ABCD4: variants seen among roughly 807,000 people sequenced by gnomAD.
ABCD4 encodes ATP binding cassette subfamily D member 4.
In ABCD4, 53 loss-of-function variants were observed where a neutral mutation model predicts 86.3. The ratio of observed to expected loss-of-function variants is 0.61; its 90% CI spans 0.49 to 0.77. The LOEUF (loss-of-function observed/expected upper bound fraction) is 0.77, where lower values mean the gene tolerates loss of function less well. Ranked by LOEUF, ABCD4 falls within the 30% of genes least tolerant of loss-of-function variation. The probability of loss-of-function intolerance (pLI) is 0.00; values close to 1 mark genes in which losing one functional copy is unlikely to be tolerated. For synonymous variants in ABCD4, 328 were observed against 313.6 expected, an observed-to-expected ratio of 1.05 and a Z score of -0.49; for missense variants, 757 against 764.5, an observed-to-expected ratio of 0.99 and a Z score of 0.12.
chr14:74,288,863 C>T, intron 14 of ABCD4, 98 bp from the exon 15 acceptor site: 1 of 1,468,010 alleles, frequency 6.8e-7, no homozygotes, highest in South Asian at 1.2e-5. Context: ...CCTGTAATCC[C>T]AACACTTTGG....
chr14:74,295,165 C>T lies in ABCD4; in HGVS notation c.702G>A (p.Glu234=). The change falls in exon 7 of 19, where the codon GAG becomes GAA. Residue 234 remains glutamate, a synonymous_variant. Transcript: ENST00000356924. ...AGACTCACCTGTAGAAAGCAGCAGG[C>T]TCCGCATTCACCCGAATCTGCATGT... ...FKHMQIRVNA[E]PAAFYRAGHV... is the part of the protein sequence containing the mutation. 1 of 1,614,208 alleles carries T rather than the reference C, an allele frequency of 6.2e-7. No individual in the cohort carries two copies. The highest frequency in any genetic ancestry group is 1.1e-5 in the South Asian group (1 of 91,086).
chr14:74,287,842 G>A lies in ABCD4; in HGVS notation c.1604C>T (p.Ala535Val), dbSNP rs1314909203. The A allele has an allele frequency of 6.2e-7, 1 of 1,613,120 alleles. No homozygotes were observed. Among genetic ancestry groups the A allele is most frequent in the Non-Finnish European group, 8.5e-7 (1 of 1,179,514 alleles). ...CTTCGGCTGCAGGTAGAAGAGTCGG[G>A]CAAAGGAGAGCCGTTGCATCTCCCC... is the stretch of plus-strand genomic sequence containing the variant. Reference protein sequence around the residue: ...SPGEMQRLSFARLFYLQPKYA... With the variant: ...SPGEMQRLSFVRLFYLQPKYA... The change falls in exon 17 of 19, where the codon GCC (alanine) becomes GTC (valine). Residue 535 changes from alanine to valine, a missense_variant. By Grantham distance (64) the Ala-to-Val change is moderately conservative. Coordinates refer to ENST00000356924, the MANE Select transcript of ABCD4 (RefSeq NM_005050.4).
chr14:74,301,955 C>A (rs1468073225), intron 1 of ABCD4, among the ~76,000 whole-genome samples: 1 of 151,270 alleles, frequency 6.6e-6, no homozygotes, highest in Non-Finnish European at 1.5e-5. Context: ...CCACCTTACA[C>A]CCCCCAGACT....
chr14:74,289,990 TGAG>T (rs768966427), intron 13 of ABCD4, 34 bp downstream of exon 13: 4 of 1,613,492 alleles, frequency 2.5e-6, no homozygotes, highest in African/African-American at 2.7e-5. Flanking sequence ...TGGGCGGGGT[TGAG>T]GAGGGAGGAG....
At chr14:74,294,969 C>T (rs1267714379) in intron 7 of ABCD4, 179 bp downstream of exon 7, 1 of 705,242 alleles carries the variant, frequency 1.4e-6, no homozygotes, top group East Asian at 2.7e-5. Flanking sequence ...CAGAAGCAAA[C>T]CCCTGGACCT....
At chr14:74,289,336 T>A in intron 14 of ABCD4, 147 bp downstream of exon 14, 1 of 1,450,794 alleles carries the variant, frequency 6.9e-7, no homozygotes, top group South Asian at 1.5e-5. Context: ...CCCAAAACAG[T>A]CAAAGGAAGA....
intron 1 of ABCD4, among the ~76,000 whole-genome samples, chr14:74,300,817 G>A (rs989192247): frequency 6.6e-6 from 1 of 152,074 alleles, no homozygotes; most frequent in South Asian, 2.1e-4. Context: ...AGAAGACTTG[G>A]AGGTGGTATC....
In ABCD4 at chr14:74,286,404, C is replaced by G. The variant is rs1052012; in HGVS notation, c.*57G>C. 0.011 allele frequency: 17,308 copies of G among 1,588,708 alleles called. 1,612 individuals are homozygous for G. In the African/African-American group the frequency reaches 0.2, roughly 19 times the overall value. On this transcript the variant is annotated 3_prime_UTR_variant, in exon 19 of 19. Coordinates refer to ENST00000356924, the MANE Select transcript of ABCD4 (RefSeq NM_005050.4). ...GATCTTCGCTGTCAGTCCTCCTGGT[C>G]TCTCCTGAGGGCCGCCGACCCGCCA...
chr14:74,289,111 CAAAAAAAAAAAA>C (rs60498100), intron 14 of ABCD4: 566 of 763,036 alleles, frequency 7.4e-4, no homozygotes, highest in Middle Eastern at 2.4e-3. Context: ...AACTCCATCT[CAAAAAAAAAAAA>C]AAAAAAAAAA....
At position 74,295,147 on chromosome 14, in the gene ABCD4, C is replaced by A. The variant is rs778277745; in HGVS notation, c.719+1G>T. 1 of 1,614,178 alleles carries A rather than the reference C, an allele frequency of 6.2e-7. No individual in the cohort carries two copies. The highest frequency in any genetic ancestry group is 8.5e-7 in the Non-Finnish European group (1 of 1,180,006). On this transcript the variant is annotated splice_donor_variant, in intron 7 of 18. Transcript: ENST00000356924. LOFTEE classifies it high-confidence loss of function. ...AAGGGGAACCATCTCTCCAGACTCA[C>A]CTGTAGAAAGCAGCAGGCTCCGCAT...
At chr14:74,302,038 C>G (rs181691576) in intron 1 of ABCD4, among the ~76,000 whole-genome samples, 1 of 152,238 alleles carries the variant, frequency 6.6e-6, no homozygotes, top group East Asian at 1.9e-4. Context: ...TATGCACTGC[C>G]CGTCGGGAAG....
chr14:74,300,115 C>T (rs2084003361), intron 2 of ABCD4, 35 bp downstream of exon 2: 8 of 1,284,428 alleles, frequency 6.2e-6, no homozygotes, highest in Non-Finnish European at 8.9e-6. Flanking sequence ...AACCAGAGCT[C>T]CCCTCCCTCC....
At chr14:74,301,664 C>A (rs1390764958) in intron 1 of ABCD4, among the ~76,000 whole-genome samples, 3 of 151,680 alleles carry the variant, frequency 2.0e-5, no homozygotes, top group Non-Finnish European at 4.4e-5. Flanking sequence ...CCCTGCACTT[C>A]GGGAGGCCGA....
At position 74,295,021 on chromosome 14, in the gene ABCD4, G is replaced by A. The variant is rs7144157; in HGVS notation, c.719+127C>T. ...AGGGCAGGGGGAGGTAGAGGGAGAG[G>A]GTCACAGCCAAGTGTGACAACACTC... is the stretch of plus-strand genomic sequence containing the variant. On this transcript the variant is annotated intron_variant, in intron 7 of 18. Transcript: ENST00000356924. The A allele has an allele frequency of 0.01, 11,529 of 1,142,838 alleles. 866 individuals carry two copies. The African/African-American group carries it at 0.16, about 16-fold the overall frequency. 70.8% of individuals were successfully genotyped at this position (1,142,838 alleles called of 1,614,324 possible). A position where few individuals can be genotyped will look rare whatever the true frequency, so the allele number is the denominator to read the frequency against.
At chr14:74,289,440 C>A in intron 14 of ABCD4, 43 bp downstream of exon 14, 1 of 1,612,388 alleles carries the variant, frequency 6.2e-7, no homozygotes, top group Non-Finnish European at 8.5e-7. Flanking sequence ...CAGGGACAAC[C>A]ATGACAGAAG....
intron 11 of ABCD4, 136 bp from the exon 12 acceptor site, chr14:74,290,635 G>T: frequency 1.6e-6 from 1 of 640,606 alleles, no homozygotes; most frequent in Non-Finnish European, 2.8e-6. Context: ...ACATGCTGAA[G>T]TCCAGCCCCC....
chr14:74,287,784 T>C (rs1381998741), intron 17 of ABCD4, 26 bp downstream of exon 17: 4 of 1,596,486 alleles, frequency 2.5e-6, no homozygotes, highest in Non-Finnish European at 3.4e-6. Context: ...GCGCATGGCA[T>C]GTGCAGCCAC....
chr14:74,295,298 TCTGCCTCAAAACCGTGG>T, intron 6 of ABCD4, 100 bp from the exon 7 acceptor site: 2 of 1,431,758 alleles, frequency 1.4e-6, no homozygotes, highest in South Asian at 2.4e-5. Context: ...GGAGCCCGGC[TCTGCCTCAAAACCGTGG>T]CTGCCTCAGT....
rs1468957985 is a variant in ABCD4 at position 74,285,699 on chromosome 14, C to T, written c.*762G>A. The T allele has an allele frequency of 6.6e-6, 1 of 152,078 alleles. No individual in the cohort carries two copies. Among genetic ancestry groups the T allele is most frequent in the African/African-American group, 2.4e-5 (1 of 41,398 alleles). 9.4% of individuals were successfully genotyped at this position (152,078 alleles called of 1,614,324 possible). On this transcript the variant is annotated 3_prime_UTR_variant, in exon 19 of 19. Coordinates refer to ENST00000356924, the MANE Select transcript of ABCD4 (RefSeq NM_005050.4). ...TTTGTCTAATTTGCTGTTGTTGTTC[C>T]CTAATATAGACTATTTTTTTAGAAA...
Sources: allele counts gnomAD v4.1 joint callset (sites outside exome capture counted in the v4.1 genomes callset), GRCh38; gene constraint gnomAD v4.1.1; transcripts MANE v1.5; gene names NCBI Gene and HGNC (gene_info 2026-07-23, HGNC 2026-07-21).